DRD3: variants seen among roughly 807,000 people sequenced by gnomAD.
The protein encoded by DRD3 is D(3) dopamine receptor.
In DRD3, 19 loss-of-function variants were observed where a neutral mutation model predicts 36.3. That is an observed-to-expected ratio of 0.52 (90% CI 0.36 to 0.77). DRD3 has a LOEUF of 0.77. Ranked by LOEUF, DRD3 falls within the 30% of genes least tolerant of loss-of-function variation. The pLI, the probability that DRD3 is intolerant of heterozygous loss-of-function variation, is 0.00. For synonymous variants in DRD3, 195 were observed against 203.7 expected, an observed-to-expected ratio of 0.96 and a Z score of 0.36; for missense variants, 465 against 505.3, an observed-to-expected ratio of 0.92 and a Z score of 0.77.
At position 114,137,993 on chromosome 3, in the gene DRD3, G is replaced by A. The variant is rs1315244573; in HGVS notation, c.723+1507C>T. On this transcript the variant is annotated intron_variant, in intron 5 of 6. Transcript: ENST00000383673. ...CGCCTGGGCCACAGAGCGAGACTCC[G>A]TCTCAAAAAAAAAAAAAAAAAAAAA... 1.7e-4 allele frequency among the ~76,000 whole-genome samples: 12 copies of A among 70,442 alleles called. 1 individual carries two copies. The highest frequency in any genetic ancestry group is 1.1e-3 in the South Asian group (2 of 1,754). The allele number at this position is 70,442 out of a possible 152,430, so 46.2% of individuals were successfully genotyped here.
chr3:114,136,918 T>A (rs1215339033), intron 5 of DRD3, among the ~76,000 whole-genome samples: 1 of 152,190 alleles, frequency 6.6e-6, no homozygotes, highest in African/African-American at 2.4e-5. Context: ...CTCTGCCTGG[T>A]TTTTGCTCTG....
chr3:114,142,433 A>T (rs1391522299), intron 4 of DRD3, among the ~76,000 whole-genome samples: 1 of 152,146 alleles, frequency 6.6e-6, no homozygotes, highest in African/African-American at 2.4e-5. Context: ...GGGTTCTGGG[A>T]GGCTGACCTC....
chr3:114,188,202 T>C (rs74443090), intron 1 of DRD3, among the ~76,000 whole-genome samples: 11,055 of 150,232 alleles, frequency 0.074, 462 homozygotes, highest in Middle Eastern at 0.13. Context: ...CAACATTTCT[T>C]TTTTTCCCTT....
chr3:114,198,865 G>T (rs2078050515), intron 1 of DRD3, among the ~76,000 whole-genome samples: 1 of 152,100 alleles, frequency 6.6e-6, no homozygotes, highest in Non-Finnish European at 1.5e-5. Flanking sequence ...AGCCTCTCAA[G>T]TAGCTAGGAC....
chr3:114,168,380 C>A (rs1256349257), intron 2 of DRD3, among the ~76,000 whole-genome samples: 1 of 152,144 alleles, frequency 6.6e-6, no homozygotes, highest in Non-Finnish European at 1.5e-5. Context: ...TACTTTATTG[C>A]CTACGTCAGA....
rs866921758 is a variant in DRD3 at position 114,128,088 on chromosome 3, A to G, written c.*628T>C. Among the ~76,000 whole-genome samples, 2 of 152,326 alleles carry G rather than the reference A, an allele frequency of 1.3e-5. No homozygotes were observed. Among genetic ancestry groups the G allele is most frequent in the Middle Eastern group, 3.4e-3 (1 of 294 alleles). On this transcript the variant is annotated 3_prime_UTR_variant, in exon 7 of 7. Coordinates refer to ENST00000383673, the MANE Select transcript of DRD3 (RefSeq NM_000796.6). ...CCTTCTTAGCTAAAGCTAAAATACA[A>G]GGGTAGCAAAGTTTGAAATGAAGCC...
intron 2 of DRD3, among the ~76,000 whole-genome samples, chr3:114,162,451 C>T (rs1411160864): frequency 2.0e-5 from 3 of 152,270 alleles, no homozygotes; most frequent in African/African-American, 7.2e-5. Flanking sequence ...GCTGCTGCAC[C>T]CCCAGCTCCC....
intron 6 of DRD3, 149 bp from the exon 7 acceptor site, chr3:114,129,061 G>A: frequency 1.2e-6 from 1 of 811,484 alleles, no homozygotes; most frequent in Non-Finnish European, 1.8e-6. Context: ...AACAACCCTA[G>A]GCCGGGTGTG....
At chr3:114,159,077 G>A (rs1324930065) in intron 3 of DRD3, among the ~76,000 whole-genome samples, 4 of 152,118 alleles carry the variant, frequency 2.6e-5, no homozygotes, top group African/African-American at 9.7e-5. Flanking sequence ...CAGAGCAAGG[G>A]TGGTGAGTCC....
intron 2 of DRD3, among the ~76,000 whole-genome samples, chr3:114,168,750 T>G (rs537525410): frequency 6.6e-6 from 1 of 152,324 alleles, no homozygotes; most frequent in South Asian, 2.1e-4. Flanking sequence ...ATTCTTTTCC[T>G]CCAGAATTCT....
At position 114,128,697 on chromosome 3, in the gene DRD3, T is replaced by G; in HGVS notation, c.*19A>C. On this transcript the variant is annotated 3_prime_UTR_variant, in exon 7 of 7. Coordinates refer to ENST00000383673, the MANE Select transcript of DRD3 (RefSeq NM_000796.6). ...GGCAGCTAGAAATGGGTACAAAGAG[T>G]GTTCCCTCTTCTGCTCCCTCAGCAA... 1 of 1,567,708 alleles carries G rather than the reference T, an allele frequency of 6.4e-7. No homozygotes were observed. The highest frequency in any genetic ancestry group is 8.7e-7 in the Non-Finnish European group (1 of 1,154,882).
At chr3:114,129,809 G>A (rs999843680) in intron 6 of DRD3, among the ~76,000 whole-genome samples, 1 of 152,150 alleles carries the variant, frequency 6.6e-6, no homozygotes, top group Non-Finnish European at 1.5e-5. Flanking sequence ...TGTAATCCCA[G>A]CAGTTTGGGA....
chr3:114,143,380 C>T (rs1185556280), intron 4 of DRD3, among the ~76,000 whole-genome samples: 1 of 152,180 alleles, frequency 6.6e-6, no homozygotes, highest in Non-Finnish European at 1.5e-5. Flanking sequence ...CATCTATTTA[C>T]TCATTCTACA....
At chr3:114,182,530 C>A (rs559573832), upstream of DRD3, among the ~76,000 whole-genome samples, 7 of 152,192 alleles carry the variant, frequency 4.6e-5, no homozygotes, top group East Asian at 1.4e-3. Context: ...TGTTACCTCC[C>A]TTTTCTACTT....
chr3:114,144,311 C>T (rs1215770597), intron 4 of DRD3, among the ~76,000 whole-genome samples: 1 of 152,196 alleles, frequency 6.6e-6, no homozygotes, highest in Non-Finnish European at 1.5e-5. Context: ...TTGTGTTGCA[C>T]TTATTAGTGA....
intron 4 of DRD3, among the ~76,000 whole-genome samples, chr3:114,142,060 A>G (rs1210796433): frequency 6.6e-6 from 1 of 151,438 alleles, no homozygotes; most frequent in East Asian, 1.9e-4. Context: ...AAAAAAAAAA[A>G]AAAAAAAAAA....
chr3:114,164,694 C>T (rs2077766187), intron 2 of DRD3, among the ~76,000 whole-genome samples: 1 of 152,172 alleles, frequency 6.6e-6, no homozygotes, highest in African/African-American at 2.4e-5. Flanking sequence ...ATTCTTTATC[C>T]TGTGGATTTC....
chr3:114,156,730 TTTC>T (rs2077672476), intron 3 of DRD3, among the ~76,000 whole-genome samples: 1 of 9,674 alleles, frequency 1.0e-4, no homozygotes, highest in Non-Finnish European at 4.6e-4. Flanking sequence ...TCTTTCTTTC[TTTC>T]TTTCTTTCTT....
At chr3:114,129,734 G>A (rs1196858633) in intron 6 of DRD3, among the ~76,000 whole-genome samples, 2 of 152,172 alleles carry the variant, frequency 1.3e-5, no homozygotes, top group African/African-American at 4.8e-5. Flanking sequence ...TAGCATACCT[G>A]TGATTTATTC....
Sources: allele counts gnomAD v4.1 joint callset (sites outside exome capture counted in the v4.1 genomes callset), GRCh38; gene constraint gnomAD v4.1.1; transcripts MANE v1.5; gene names NCBI Gene and HGNC (gene_info 2026-07-23, HGNC 2026-07-21).